The following DAP variants were observed in gnomAD, a reference collection of about 807,000 sequenced individuals.
DAP encodes death associated protein.
In DAP, 8 loss-of-function variants were observed where a neutral mutation model predicts 13.8. The ratio of observed to expected loss-of-function variants is 0.58; its 90% confidence interval spans 0.34 to 1.05. The LOEUF is 1.05. Ranked by LOEUF, DAP falls within the 50% of genes least tolerant of loss-of-function variation. DAP has a pLI of 0.03. For synonymous variants in DAP, 47 were observed against 47.5 expected, an observed-to-expected ratio of 0.99 and a Z score of 0.04; for missense variants, 106 against 133.2, an observed-to-expected ratio of 0.80 and a Z score of 1.01.
chr5:10,689,202 G>A (rs1738235872), intron 2 of DAP, among the ~76,000 whole-genome samples: 1 of 152,118 alleles, frequency 6.6e-6, no homozygotes, highest in Non-Finnish European at 1.5e-5. Context: ...CACGGAAGCT[G>A]AGGCCTAGAA....
At chr5:10,684,486 A>C (rs1215377205) in intron 2 of DAP, among the ~76,000 whole-genome samples, 1 of 152,194 alleles carries the variant, frequency 6.6e-6, no homozygotes, top group Non-Finnish European at 1.5e-5. Flanking sequence ...GTGTGAAAAA[A>C]CAGACAAGCC....
chr5:10,694,524 A>T (rs1376991676), intron 2 of DAP, among the ~76,000 whole-genome samples: 1 of 152,130 alleles, frequency 6.6e-6, no homozygotes, highest in East Asian at 1.9e-4. Flanking sequence ...GTGGGCAAAG[A>T]GACTGCTTTT....
intron 1 of DAP, among the ~76,000 whole-genome samples, chr5:10,752,570 A>G (rs906093705): frequency 9.2e-5 from 14 of 152,238 alleles, no homozygotes; most frequent in African/African-American, 3.4e-4. Context: ...CTCTTAGCAG[A>G]AGTGCTGTGC....
intron 2 of DAP, among the ~76,000 whole-genome samples, chr5:10,730,162 A>T (rs1457258081): frequency 6.6e-6 from 1 of 152,224 alleles, no homozygotes; most frequent in African/African-American, 2.4e-5. Context: ...TGTTGTTCCC[A>T]GTGGCATGGC....
At chr5:10,760,686 T>C (rs1249060441) in intron 1 of DAP, among the ~76,000 whole-genome samples, 1 of 152,212 alleles carries the variant, frequency 6.6e-6, no homozygotes, top group African/African-American at 2.4e-5. Flanking sequence ...AAGTAAATAT[T>C]ATCCGCCAAA....
intron 1 of DAP, among the ~76,000 whole-genome samples, chr5:10,750,225 C>T (rs1258165081): frequency 1.3e-5 from 2 of 152,070 alleles, no homozygotes; most frequent in African/African-American, 4.8e-5. Flanking sequence ...AAAACCCAGG[C>T]CAACTTTCTT....
At chr5:10,750,229 C>T (rs542920881) in intron 1 of DAP, among the ~76,000 whole-genome samples, 4 of 152,254 alleles carry the variant, frequency 2.6e-5, no homozygotes, top group Non-Finnish European at 5.9e-5. Flanking sequence ...CCCAGGCCAA[C>T]TTTCTTTATG....
chr5:10,684,160 T>A (rs1303879709), intron 2 of DAP, among the ~76,000 whole-genome samples: 1 of 152,236 alleles, frequency 6.6e-6, no homozygotes, highest in African/African-American at 2.4e-5. Context: ...ACATTTTAAC[T>A]ATGGGCAAGC....
At chr5:10,694,655 T>A (rs1738390385) in intron 2 of DAP, among the ~76,000 whole-genome samples, 1 of 152,178 alleles carries the variant, frequency 6.6e-6, no homozygotes, top group Non-Finnish European at 1.5e-5. Context: ...AGTGTGTGCT[T>A]AGCACTTGTG....
intron 3 of DAP, among the ~76,000 whole-genome samples, chr5:10,681,792 G>A (rs977935488): frequency 4.0e-5 from 6 of 151,150 alleles, no homozygotes; most frequent in Non-Finnish European, 7.4e-5. Flanking sequence ...CAGAGTCCCT[G>A]CAGGAAGGAT....
At chr5:10,711,244 T>C (rs2126651977) in intron 2 of DAP, among the ~76,000 whole-genome samples, 1 of 152,312 alleles carries the variant, frequency 6.6e-6, no homozygotes, top group East Asian at 1.9e-4. Flanking sequence ...GAGCAGCGCA[T>C]GGCTCCCAGT....
intron 3 of DAP, among the ~76,000 whole-genome samples, chr5:10,681,549 T>C (rs1358989267): frequency 2.3e-3 from 157 of 69,646 alleles, no homozygotes; most frequent in Middle Eastern, 0.016. Context: ...CACCCACCAG[T>C]GTCCCTGCAG....
chr5:10,729,162 C>G (rs529477175), intron 2 of DAP, among the ~76,000 whole-genome samples: 82 of 152,302 alleles, frequency 5.4e-4, no homozygotes, highest in Non-Finnish European at 1.0e-3. Context: ...ACAATTCCCT[C>G]ATGCCCACTT....
chr5:10,748,939 T>A (rs997398019), intron 1 of DAP, among the ~76,000 whole-genome samples: 3 of 152,142 alleles, frequency 2.0e-5, no homozygotes, highest in African/African-American at 2.4e-5. Flanking sequence ...TTTTAGGAGA[T>A]TTTCATCACC....
At chr5:10,737,174 G>A (rs1401152495) in intron 2 of DAP, among the ~76,000 whole-genome samples, 1 of 152,072 alleles carries the variant, frequency 6.6e-6, no homozygotes, top group Non-Finnish European at 1.5e-5. Flanking sequence ...GTGATATCCT[G>A]TCTCTACTAA....
At chr5:10,717,062 G>A (rs1739007660) in intron 2 of DAP, among the ~76,000 whole-genome samples, 1 of 152,198 alleles carries the variant, frequency 6.6e-6, no homozygotes. Context: ...GAGAAGCAAG[G>A]AGTTCACTCA....
At chr5:10,723,426 T>C (rs577445469) in intron 2 of DAP, among the ~76,000 whole-genome samples, 2 of 152,364 alleles carry the variant, frequency 1.3e-5, no homozygotes, top group South Asian at 2.1e-4. Context: ...GCACGATGCC[T>C]TGTAAGAACA....
intron 3 of DAP, chr5:10,683,266 A>C (rs545442709): frequency 1.8e-6 from 1 of 542,890 alleles, no homozygotes; most frequent in South Asian, 2.1e-5. Context: ...ATGGGAGTTC[A>C]CTGGTGGGAG....
intron 2 of DAP, among the ~76,000 whole-genome samples, chr5:10,690,034 G>C (rs1469212708): frequency 6.6e-6 from 1 of 152,184 alleles, no homozygotes; most frequent in Non-Finnish European, 1.5e-5. Flanking sequence ...TTTGGCACTG[G>C]TAAGAAATAA....
Sources: allele counts gnomAD v4.1 joint callset (sites outside exome capture counted in the v4.1 genomes callset), GRCh38; gene constraint gnomAD v4.1.1; transcripts MANE v1.5; gene names NCBI Gene and HGNC (gene_info 2026-07-23, HGNC 2026-07-21).